Variants in ICE1 observed in about 807,000 individuals in gnomAD.
ICE1 encodes the protein little elongation complex subunit 1.
In ICE1, 64 loss-of-function variants were observed where a neutral mutation model predicts 192.7. That is an observed-to-expected ratio of 0.33 (90% CI 0.27 to 0.41). The LOEUF (loss-of-function observed/expected upper bound fraction) is 0.41. Among genes scored for constraint, ICE1 ranks in the 10% least tolerant of loss-of-function variants. The pLI is 1.00. For synonymous variants in ICE1, 1,010 were observed against 984.5 expected, an observed-to-expected ratio of 1.03 and a Z score of -0.49; for missense variants, 2,708 against 2,696.0, an observed-to-expected ratio of 1.00 and a Z score of -0.10.
chr5:5,447,541 A>G (rs376598620), intron 8 of ICE1, 32 bp downstream of exon 8: 39 of 1,492,446 alleles, frequency 2.6e-5, no homozygotes, highest in Non-Finnish European at 3.3e-5. Context: ...CACACACCTT[A>G]AATACGTGGC....
intron 1 of ICE1, among the ~76,000 whole-genome samples, chr5:5,427,155 G>A (rs1324992840): frequency 6.6e-6 from 1 of 152,182 alleles, no homozygotes; most frequent in Non-Finnish European, 1.5e-5. Context: ...TGATTCAGAA[G>A]TGTGCAGATT....
chr5:5,486,635 T>C, intron 17 of ICE1, 86 bp from the exon 18 acceptor site: 1 of 878,212 alleles, frequency 1.1e-6, no homozygotes, highest in South Asian at 1.5e-5. Flanking sequence ...TGATCACCTC[T>C]TGTAAGAGAA....
chr5:5,424,379 C>T (rs1358551911), intron 1 of ICE1, among the ~76,000 whole-genome samples: 1 of 152,034 alleles, frequency 6.6e-6, no homozygotes, highest in Non-Finnish European at 1.5e-5. Flanking sequence ...AACGCCCCCC[C>T]GCCCCCGCCA....
chr5:5,465,329 T>A (rs1738952483), intron 13 of ICE1, 103 bp downstream of exon 13: 1 of 760,338 alleles, frequency 1.3e-6, no homozygotes, highest in African/African-American at 1.8e-5. Flanking sequence ...AACAAAAGTT[T>A]TACTTCAAGG....
intron 18 of ICE1, 110 bp downstream of exon 18, chr5:5,486,929 CAT>C (rs1739652768): frequency 7.5e-6 from 5 of 665,712 alleles, no homozygotes; most frequent in Non-Finnish European, 1.3e-5. Context: ...CTTGCTGCCT[CAT>C]AGATTAGGGA....
chr5:5,432,939 A>C (rs1737764883), intron 1 of ICE1, among the ~76,000 whole-genome samples: 1 of 152,172 alleles, frequency 6.6e-6, no homozygotes, highest in Admixed American at 6.5e-5. Flanking sequence ...AAGAGCGAGT[A>C]GCAGATACAC....
At position 5,436,491 on chromosome 5, in the gene ICE1, A is replaced by C. The variant is rs977271778; in HGVS notation, c.143+15A>C. ...ATCAATACAGAGTAAGTATATTTGC[A>C]TGTCGTTTGGCAGAACTTTGTAAAC... is the stretch of plus-strand genomic sequence containing the variant. On this transcript the variant is annotated intron_variant, in intron 2 of 18. Transcript: ENST00000296564. The C allele has an allele frequency of 1.4e-6, 2 of 1,429,780 alleles. No homozygotes were observed. Among genetic ancestry groups the C allele is most frequent in the Admixed American group, 2.7e-5 (1 of 37,704 alleles). The allele number at this position is 1,429,780 out of a possible 1,614,324, so 88.6% of individuals were successfully genotyped here.
chr5:5,436,912 C>T (rs1019933263), intron 2 of ICE1, among the ~76,000 whole-genome samples, 168 bp from the exon 3 acceptor site: 3 of 152,050 alleles, frequency 2.0e-5, no homozygotes, highest in African/African-American at 7.2e-5. Context: ...TGTATATCAA[C>T]GTGATGCTTT....
chr5:5,447,215 C>T (rs575023118), intron 7 of ICE1, among the ~76,000 whole-genome samples: 1 of 152,252 alleles, frequency 6.6e-6, no homozygotes, highest in South Asian at 2.1e-4. Context: ...TGCGCTAGTT[C>T]TGTGGTTTAA....
rs1355160536 is a variant in ICE1 at position 5,461,272 on chromosome 5, GTCT to G, written c.1945_1947del (p.Ser649del). On this transcript the variant is annotated inframe_deletion, in exon 13 of 19. Coordinates refer to ENST00000296564, the MANE Select transcript of ICE1 (RefSeq NM_015325.3). The stretch of plus-strand genomic sequence containing the variant: ...CATTGTCTGTTGGCAGTAATCCCCA[GTCT>G]TCTTCTGGGTTAGACTGTGGTAATG... 2.5e-6 allele frequency: 4 copies of G among 1,613,914 alleles called. No homozygotes were observed. The East Asian group carries it at 8.9e-5, about 36-fold the overall frequency.
chr5:5,436,385 T>C lies in ICE1; in HGVS notation c.85-33T>C, dbSNP rs762549055. The C allele has an allele frequency of 1.6e-5, 21 of 1,333,028 alleles. No homozygotes were observed. In the South Asian group the frequency reaches 3.3e-4, roughly 21 times the overall value. 82.6% of individuals were successfully genotyped at this position (1,333,028 alleles called of 1,614,324 possible). Reference sequence around the variant, plus strand: ...CAATAATTATATTTAAAGTAATTGATAAAAAAGCTGACTGTGGCTTTTTTT... The same window carrying C: ...CAATAATTATATTTAAAGTAATTGACAAAAAAGCTGACTGTGGCTTTTTTT... On this transcript the variant is annotated intron_variant, in intron 1 of 18. Coordinates refer to ENST00000296564, the MANE Select transcript of ICE1 (RefSeq NM_015325.3).
rs1424978940 is a variant in ICE1, at chr5:5,490,179, TTGTA to T, written c.*853_*856del. The T allele has an allele frequency of 7.9e-4, 120 of 152,354 alleles. 1 individual carries two copies. Among genetic ancestry groups the T allele is most frequent in the African/African-American group, 2.2e-3 (90 of 41,574 alleles). 9.4% of individuals were successfully genotyped at this position (152,354 alleles called of 1,614,324 possible). A position where few individuals can be genotyped will look rare whatever the true frequency, so the allele number is the denominator to read the frequency against. On this transcript the variant is annotated 3_prime_UTR_variant, in exon 19 of 19. Coordinates refer to ENST00000296564, the MANE Select transcript of ICE1 (RefSeq NM_015325.3). ...TTATATTCGTTATTTCTTAAAACTC[TTGTA>T]TGTGTTTTTATAATAAAAAATAAAA...
In ICE1 at chr5:5,476,020, G is replaced by A; in HGVS notation, c.6461G>A (p.Gly2154Glu). 2 of 1,612,098 alleles carry A rather than the reference G, an allele frequency of 1.2e-6. No individual in the cohort carries two copies. The highest frequency in any genetic ancestry group is 1.1e-5 in the South Asian group (1 of 90,820). ...GATAAATGGATAAAATACAGAAAAGGACATGCAAACATTGCGTATACTCCT... is the reference window on the plus strand; with the variant it reads ...GATAAATGGATAAAATACAGAAAAGAACATGCAAACATTGCGTATACTCCT... ...VMDKWIKYRKGHANIAYTPDI... is the reference protein window; with the variant it reads ...VMDKWIKYRKEHANIAYTPDI... The change falls in exon 17 of 19, where the codon GGA becomes GAA. Residue 2154 changes from glycine to glutamate, a missense_variant. By Grantham distance (98) the Gly-to-Glu change is moderately conservative. Transcript: ENST00000296564.
In ICE1 at chr5:5,463,730, T is replaced by G. The variant is rs1273456780; in HGVS notation, c.4396T>G (p.Ser1466Ala). The G allele has an allele frequency of 6.2e-7, 1 of 1,613,870 alleles. No individual in the cohort carries two copies. The highest frequency in any genetic ancestry group is 2.2e-5 in the East Asian group (1 of 44,858). The change falls in exon 13 of 19, where the codon TCT becomes GCT. Residue 1466 changes from serine to alanine, a missense_variant. Transcript: ENST00000296564. ...ELEAGCIPVT[S>A]AEKSPEASHT... ...GGAAGCTGGTTGCATCCCAGTGACT[T>G]CTGCTGAGAAGTCCCCAGAGGCCAG...
Position 5,457,661 on chromosome 5 carries a change from C to T in ICE1, c.1021C>T (p.Pro341Ser). Residue 341 changes from proline (P) to serine (S), a missense_variant, in exon 12 of 19, where the codon CCT (proline) becomes TCT (serine). Transcript: ENST00000296564. ...QAAIDFFKLP[P>S]PLLSPVPSPP... ...TGCAATTGACTTCTTCAAACTTCCC[C>T]CTCCTCTTCTGTCACCAGTGCCCTC... 6.2e-7 allele frequency: 1 copy of T among 1,613,876 alleles called. No individual in the cohort carries two copies. Among genetic ancestry groups the T allele is most frequent in the South Asian group, 1.1e-5 (1 of 91,070 alleles).
intron 1 of ICE1, among the ~76,000 whole-genome samples, chr5:5,425,140 C>A (rs1470662137): frequency 6.6e-6 from 1 of 152,160 alleles, no homozygotes; most frequent in Non-Finnish European, 1.5e-5. Flanking sequence ...ATTGTGTCCG[C>A]TCTGCCTTCA....
At chr5:5,458,536 T>A (rs528827513) in intron 12 of ICE1, among the ~76,000 whole-genome samples, 2 of 152,292 alleles carry the variant, frequency 1.3e-5, no homozygotes, top group Non-Finnish European at 2.9e-5. Context: ...GCAGGCAGGA[T>A]TCTTCTGAAG....
chr5:5,475,136 A>G (rs964454307), intron 16 of ICE1, among the ~76,000 whole-genome samples: 25 of 152,174 alleles, frequency 1.6e-4, no homozygotes, highest in Admixed American at 1.0e-3. Context: ...TTATGCATGA[A>G]GAGACCAGGG....
chr5:5,452,815 A>G (rs1554014395), intron 10 of ICE1, among the ~76,000 whole-genome samples: 5 of 152,220 alleles, frequency 3.3e-5, no homozygotes, highest in Non-Finnish European at 7.3e-5. Context: ...GAAGTAGAAA[A>G]TAAATTAAAT....
Sources: gnomAD v4.1 joint callset for allele counts (sites outside exome capture counted in the v4.1 genomes callset) on GRCh38, gnomAD v4.1.1 for gene constraint, MANE v1.5 for transcripts, NCBI Gene and HGNC (gene_info 2026-07-23, HGNC 2026-07-21) for gene names.